The following HDAC7 variants were observed in gnomAD, a reference collection of about 807,000 sequenced individuals.
HDAC7 encodes histone deacetylase 7, also known as histone deacetylase 7A.
Under a neutral mutation model 115.5 loss-of-function variants are expected in HDAC7, and 26 were observed. That is an observed-to-expected ratio of 0.23 (90% CI 0.16 to 0.31). The LOEUF is 0.31. HDAC7 is among the 10% of genes least tolerant of loss of function. The pLI is 1.00. For missense variants in HDAC7, 1,068 were observed against 1,329.0 expected, an observed-to-expected ratio of 0.80 and a Z score of 3.05; for synonymous variants, 564 against 550.9, an observed-to-expected ratio of 1.02 and a Z score of -0.33.
At chr12:47,799,045 C>A in intron 2 of HDAC7, 73 bp from the exon 3 acceptor site, 1 of 1,027,372 alleles carries the variant, frequency 9.7e-7, no homozygotes, top group South Asian at 1.9e-5. Context: ...CTGATCCCCC[C>A]TCAGCCTCCC....
rs2136909125 is a variant in HDAC7, at chr12:47,786,681, G to A, written c.2476C>T (p.Arg826Ter). 2 of 1,613,858 alleles carry A rather than the reference G, an allele frequency of 1.2e-6. No homozygotes were observed. The highest frequency in any genetic ancestry group is 1.7e-6 in the Non-Finnish European group (2 of 1,179,784). The change falls in exon 22 of 26, where the codon CGA (arginine) becomes TGA (stop). Residue 826 changes from arginine (R) to a stop codon, truncating the protein, a stop_gained. Coordinates refer to ENST00000080059, the MANE Select transcript of HDAC7 (RefSeq NM_015401.5). LOFTEE classifies it high-confidence loss of function. ...AFRIVVMPIA[R>*]EFSPDLVLVS... ...AGGACTAGGTCTGGAGAGAACTCTC[G>A]GGCGATGGGCATCACGACTATCCTG...
chr12:47,789,801 C>A lies in HDAC7; in HGVS notation c.2091+12G>T. The A allele has an allele frequency of 1.2e-6, 2 of 1,607,538 alleles. No homozygotes were observed. Among genetic ancestry groups the A allele is most frequent in the South Asian group, 2.2e-5 (2 of 90,964 alleles). On this transcript the variant is annotated intron_variant, in intron 17 of 25. Transcript: ENST00000080059. ...CTTTGTGGTGTGTCCACCTTCAACC[C>A]AAACCTCCTACCTTTAGCTCACGAG...
chr12:47,791,801 G>GGCCCCCCCCCCCCCCCCCCC, intron 14 of HDAC7, 70 bp downstream of exon 14: 3 of 1,511,066 alleles, frequency 2.0e-6, no homozygotes, highest in Admixed American at 2.0e-5. Context: ...GGGCCCCAGG[G>GGCCCCCCCCCCCCCCCCCCC]CCCCCCACCC....
intron 1 of HDAC7, among the ~76,000 whole-genome samples, chr12:47,804,138 G>T (rs988747668): frequency 2.0e-5 from 3 of 152,202 alleles, no homozygotes; most frequent in African/African-American, 7.2e-5. Context: ...TGTGGTGTGG[G>T]CTACCAGGCC....
At chr12:47,784,799 C>T (rs1943073085) in intron 24 of HDAC7, 1 of 1,534,896 alleles carries the variant, frequency 6.5e-7, no homozygotes. Context: ...GTGAGGGCAC[C>T]CACCGTAAGA....
rs1943769401 is a variant in HDAC7, at chr12:47,795,557, G to A, written c.1087+30C>T. ...GCTCTTAGCAGGGTGCAGGGACCCA[G>A]CCCCTTCCCTGAAGAAGCAGCAGAC... On this transcript the variant is annotated intron_variant, in intron 10 of 25. Transcript: ENST00000080059. The surrounding 1 kb of genome is among the most constrained non-coding windows in gnomAD (Gnocchi z 4.3). 1.3e-6 allele frequency: 2 copies of A among 1,547,972 alleles called. No homozygotes were observed. Among genetic ancestry groups the A allele is most frequent in the East Asian group, 4.9e-5 (2 of 40,994 alleles).
Position 47,797,550 on chromosome 12 carries a change from G to A in HDAC7, c.462-51C>T. 7.2e-7 allele frequency: 1 copy of A among 1,391,650 alleles called. No individual in the cohort carries two copies. The highest frequency in any genetic ancestry group is 1.0e-6 in the Non-Finnish European group (1 of 999,736). 86.2% of individuals were successfully genotyped at this position (1,391,650 alleles called of 1,614,324 possible). On this transcript the variant is annotated intron_variant, in intron 5 of 25. Transcript: ENST00000080059. This position sits in a 1 kb window ranked among gnomAD's most constrained non-coding sequence, Gnocchi z 5.5. ...TCAGAGGTGTGGGGACACTGCACGG[G>A]CACTGCCCTGAGCACGGGCCCTGGG...
rs900514530 is a variant in HDAC7 at position 47,803,842 on chromosome 12, C to G, written c.20-1568G>C. On this transcript the variant is annotated intron_variant, in intron 1 of 25. Coordinates refer to ENST00000080059, the MANE Select transcript of HDAC7 (RefSeq NM_015401.5). The surrounding 1 kb of genome is among the most constrained non-coding windows in gnomAD (Gnocchi z 4.0). ...ACTCCCCTCCCCACGACATGGTAAC[C>G]CCCAATCCCAGGCCTTCTTAGTACC... 6.6e-6 allele frequency among the ~76,000 whole-genome samples: 1 copy of G among 152,208 alleles called. No individual in the cohort carries two copies. Among genetic ancestry groups the G allele is most frequent in the East Asian group, 1.9e-4 (1 of 5,200 alleles).
At chr12:47,804,147 C>T (rs541066152) in intron 1 of HDAC7, among the ~76,000 whole-genome samples, 2 of 152,284 alleles carry the variant, frequency 1.3e-5, no homozygotes, top group South Asian at 4.1e-4. Flanking sequence ...GGCTACCAGG[C>T]CCCAAAGGGA....
At position 47,795,502 on chromosome 12, in the gene HDAC7, G is replaced by C. The variant is rs574658424; in HGVS notation, c.1087+85C>G. ...TGCGCAGGACAGGGGGACAGAGATG[G>C]GGAGGAAGGATGGGTCCATCCCAAG... On this transcript the variant is annotated intron_variant, in intron 10 of 25. Transcript: ENST00000080059. The surrounding 1 kb of genome is among the most constrained non-coding windows in gnomAD (Gnocchi z 4.3). The C allele has an allele frequency of 2.8e-4, 399 of 1,442,726 alleles. 3 individuals are homozygous for C. The highest frequency in any genetic ancestry group is 2.6e-3 in the South Asian group (212 of 81,382). The allele number at this position is 1,442,726 out of a possible 1,614,324, so 89.4% of individuals were successfully genotyped here. A position where few individuals can be genotyped will look rare whatever the true frequency, so the allele number is the denominator to read the frequency against.
intron 2 of HDAC7, among the ~76,000 whole-genome samples, chr12:47,800,053 A>G (rs1050916684): frequency 6.6e-6 from 1 of 152,174 alleles, no homozygotes; most frequent in Non-Finnish European, 1.5e-5. Flanking sequence ...GCCTGTGGCA[A>G]AGTACCAGTC....
chr12:47,798,549 G>A lies in HDAC7; in HGVS notation c.349+13C>T, dbSNP rs753949585. ...GGTGGGGCTGGGCTGGGCTGGGGTGGCCACCTCCTTACTTCGCTTGCTCTT... is the reference window on the plus strand; with the variant it reads ...GGTGGGGCTGGGCTGGGCTGGGGTGACCACCTCCTTACTTCGCTTGCTCTT... On this transcript the variant is annotated intron_variant, in intron 4 of 25. Transcript: ENST00000080059. The surrounding 1 kb of genome is among the most constrained non-coding windows in gnomAD (Gnocchi z 4.3). 3.6e-5 allele frequency: 58 copies of A among 1,611,654 alleles called. No individual in the cohort carries two copies. Among genetic ancestry groups the A allele is most frequent in the Admixed American group, 2.3e-4 (14 of 60,008 alleles).
rs779572683 is a variant in HDAC7 at position 47,783,934 on chromosome 12, A to G, written c.2931-48T>C. 2.2e-5 allele frequency: 35 copies of G among 1,611,622 alleles called. 1 individual carries two copies. In the South Asian group the frequency reaches 3.8e-4, roughly 18 times the overall value. On this transcript the variant is annotated intron_variant, in intron 25 of 25. Transcript: ENST00000080059. ...GATGCTGGAGCACCAGGGCTGCAGC[A>G]AGGGCCTTAGCTAAGCTTCCTCTCA...
Position 47,795,136 on chromosome 12 carries a change from C to T in HDAC7, c.1284+48G>A. The stretch of plus-strand genomic sequence containing the variant: ...ACCCCTCTTCTTTTGGCCCCTAAGT[C>T]CCCAGTTAAACACTCCCTCAATACC... On this transcript the variant is annotated intron_variant, in intron 11 of 25. Transcript: ENST00000080059. This position sits in a 1 kb window ranked among gnomAD's most constrained non-coding sequence, Gnocchi z 4.3. 6.7e-7 allele frequency: 1 copy of T among 1,490,944 alleles called. No individual in the cohort carries two copies. The highest frequency in any genetic ancestry group is 1.8e-5 in the Admixed American group (1 of 54,494). The allele number at this position is 1,490,944 out of a possible 1,614,324, so 92.4% of individuals were successfully genotyped here.
At chr12:47,804,034 G>C (rs916202407) in intron 1 of HDAC7, among the ~76,000 whole-genome samples, 1 of 152,214 alleles carries the variant, frequency 6.6e-6, no homozygotes, top group Non-Finnish European at 1.5e-5. Flanking sequence ...CTTGGGAGCA[G>C]AGCCAGGTTC....
At position 47,798,730 on chromosome 12, in the gene HDAC7, G is replaced by A; in HGVS notation, c.258+55C>T. ...TGGTGTCTAGGGATGCTGAAGGCGG[G>A]GAGGCTGGGGACCAAGCTCAAGGTG... On this transcript the variant is annotated intron_variant, in intron 3 of 25. Transcript: ENST00000080059. The surrounding 1 kb of genome is among the most constrained non-coding windows in gnomAD (Gnocchi z 4.3). 6.4e-7 allele frequency: 1 copy of A among 1,558,452 alleles called. No individual in the cohort carries two copies. The highest frequency in any genetic ancestry group is 8.7e-7 in the Non-Finnish European group (1 of 1,149,754).
chr12:47,800,787 C>T lies in HDAC7; in HGVS notation c.70+1437G>A, dbSNP rs1944129212. 2.0e-5 allele frequency among the ~76,000 whole-genome samples: 3 copies of T among 152,222 alleles called. No homozygotes were observed. In the South Asian group the frequency reaches 6.2e-4, roughly 31 times the overall value. On this transcript the variant is annotated intron_variant, in intron 2 of 25. Transcript: ENST00000080059. ...ATACGGACTGTGAGCAGACCCCCAGCAGGGGCCCTTCCCCTCACACTCTGC... is the reference window on the plus strand; with the variant it reads ...ATACGGACTGTGAGCAGACCCCCAGTAGGGGCCCTTCCCCTCACACTCTGC...
At position 47,819,794 on chromosome 12, in the gene HDAC7, CG is replaced by C; in HGVS notation, c.-10del. The C allele has an allele frequency of 2.6e-5, 11 of 425,996 alleles. No homozygotes were observed. Among genetic ancestry groups the C allele is most frequent in the Non-Finnish European group, 3.3e-5 (11 of 336,786 alleles). 26.4% of individuals were successfully genotyped at this position (425,996 alleles called of 1,614,324 possible). A position where few individuals can be genotyped will look rare whatever the true frequency, so the allele number is the denominator to read the frequency against. Reference sequence around the variant, plus strand: ...GCGCCGGGGCTGTGCATCCAGGGGCCGGGGCCCTCAGAGCGGGGGGCTCATG... The same window carrying C: ...GCGCCGGGGCTGTGCATCCAGGGGCCGGGCCCTCAGAGCGGGGGGCTCATG... On this transcript the variant is annotated 5_prime_UTR_variant, in exon 1 of 26. Coordinates refer to ENST00000080059, the MANE Select transcript of HDAC7 (RefSeq NM_015401.5).
rs558532091 is a variant in HDAC7 at position 47,788,753 on chromosome 12, T to C, written c.2235+508A>G. ...GCTTAGCAGTTAAACGCAAGCACTCTAGAGCTAACCCGCCTGGGTTCAAAT... is the reference window on the plus strand; with the variant it reads ...GCTTAGCAGTTAAACGCAAGCACTCCAGAGCTAACCCGCCTGGGTTCAAAT... On this transcript the variant is annotated intron_variant, in intron 19 of 25. Coordinates refer to ENST00000080059, the MANE Select transcript of HDAC7 (RefSeq NM_015401.5). The C allele has an allele frequency of 7.8e-4, 122 of 157,056 alleles. 1 individual carries two copies. In the South Asian group the frequency reaches 0.016, roughly 21 times the overall value. 9.7% of individuals were successfully genotyped at this position (157,056 alleles called of 1,614,324 possible).
Sources: gnomAD v4.1 joint callset for allele counts (sites outside exome capture counted in the v4.1 genomes callset) on GRCh38, gnomAD v4.1.1 for gene constraint, Gnocchi (gnomAD v3.1) non-coding constraint, MANE v1.5 for transcripts, NCBI Gene and HGNC (gene_info 2026-07-23, HGNC 2026-07-21) for gene names.